Variants in EBF1 observed in about 807,000 individuals in gnomAD.
EBF1 encodes EBF transcription factor 1, also known as transcription factor COE1.
Under a neutral mutation model 68.4 loss-of-function variants are expected in EBF1, and 10 were observed. The observed-to-expected ratio is 0.15, with a 90% CI of 0.09 to 0.25. EBF1 has a LOEUF of 0.25. Ranked by LOEUF, EBF1 falls within the 10% of genes least tolerant of loss-of-function variation. The probability of loss-of-function intolerance (pLI) is 1.00; values close to 1 mark genes in which losing one functional copy is unlikely to be tolerated. For synonymous variants in EBF1, 298 were observed against 299.8 expected, an observed-to-expected ratio of 0.99 and a Z score of 0.06; for missense variants, 509 against 794.4, an observed-to-expected ratio of 0.64 and a Z score of 4.32.
chr5:158,999,758 T>C (rs1762153931), intron 6 of EBF1, among the ~76,000 whole-genome samples: 1 of 152,200 alleles, frequency 6.6e-6, no homozygotes. Flanking sequence ...AAAAACCTAC[T>C]GACATTTTAA....
At chr5:159,068,447 A>G (rs1584397606) in intron 6 of EBF1, among the ~76,000 whole-genome samples, 7 of 152,076 alleles carry the variant, frequency 4.6e-5, no homozygotes, top group Admixed American at 3.3e-4. Context: ...TAAAGTTTTT[A>G]TATTGTTTTC....
chr5:158,805,085 T>A (rs1268609125), intron 8 of EBF1, among the ~76,000 whole-genome samples: 1 of 152,042 alleles, frequency 6.6e-6, no homozygotes, highest in African/African-American at 2.4e-5. Context: ...TGTCCTGTTG[T>A]AAGAAAAGTT....
At chr5:158,720,597 T>C (rs555604569) in intron 11 of EBF1, among the ~76,000 whole-genome samples, 1 of 152,298 alleles carries the variant, frequency 6.6e-6, no homozygotes, top group African/African-American at 2.4e-5. Flanking sequence ...TTTCTTGTAA[T>C]ATAAACTTCT....
intron 6 of EBF1, among the ~76,000 whole-genome samples, chr5:158,868,163 C>A (rs1267049285): frequency 6.6e-6 from 1 of 151,806 alleles, no homozygotes; most frequent in African/African-American, 2.4e-5. Flanking sequence ...TTCATTCTGT[C>A]ATTGAATTAT....
chr5:158,891,537 C>G (rs1801183805), intron 6 of EBF1, among the ~76,000 whole-genome samples: 1 of 152,206 alleles, frequency 6.6e-6, no homozygotes, highest in African/African-American at 2.4e-5. Flanking sequence ...AGAGCCATCA[C>G]TTTCCCAGGT....
chr5:158,939,438 A>G (rs1812767261), intron 6 of EBF1, among the ~76,000 whole-genome samples: 1 of 152,216 alleles, frequency 6.6e-6, no homozygotes, highest in Non-Finnish European at 1.5e-5. Context: ...GATGATGACC[A>G]GAAAATGGGT....
chr5:159,027,596 T>A (rs975140006), intron 6 of EBF1, among the ~76,000 whole-genome samples: 1 of 152,240 alleles, frequency 6.6e-6, no homozygotes, highest in African/African-American at 2.4e-5. Flanking sequence ...ATATTCTAAT[T>A]CTGGCTGAGG....
At chr5:158,758,763 A>G (rs998008618) in intron 10 of EBF1, among the ~76,000 whole-genome samples, 1 of 152,166 alleles carries the variant, frequency 6.6e-6, no homozygotes, top group African/African-American at 2.4e-5. Flanking sequence ...TGTACTTCCC[A>G]AACATGGCGT....
At chr5:158,800,630 C>A (rs796739333) in intron 8 of EBF1, among the ~76,000 whole-genome samples, 1 of 152,154 alleles carries the variant, frequency 6.6e-6, no homozygotes, top group Non-Finnish European at 1.5e-5. Flanking sequence ...CCCTGAGCCT[C>A]CCCTTCTCTC....
chr5:158,962,702 G>T (rs1027085337), intron 6 of EBF1, among the ~76,000 whole-genome samples: 8 of 152,180 alleles, frequency 5.3e-5, no homozygotes, highest in African/African-American at 1.9e-4. Flanking sequence ...TACAGTTCAG[G>T]GTGAAGAACA....
At chr5:158,869,578 AACACACAC>A (rs3035120) in intron 6 of EBF1, among the ~76,000 whole-genome samples, 53,558 of 145,062 alleles carry the variant, frequency 0.37, 9,855 homozygotes, top group South Asian at 0.54. Flanking sequence ...GATCCTAATA[AACACACAC>A]ACACACACAC....
chr5:159,095,729 T>G (rs1381701986), intron 3 of EBF1, 54 bp from the exon 4 acceptor site: 2 of 1,580,844 alleles, frequency 1.3e-6, no homozygotes, highest in Non-Finnish European at 1.7e-6. Flanking sequence ...TTACGGAGGG[T>G]GGGTGGACAA....
At chr5:158,731,926 A>G (rs1764171073) in intron 10 of EBF1, among the ~76,000 whole-genome samples, 1 of 152,136 alleles carries the variant, frequency 6.6e-6, no homozygotes, top group African/African-American at 2.4e-5. Flanking sequence ...TTGACTACAC[A>G]CTCTTTAAAG....
intron 6 of EBF1, among the ~76,000 whole-genome samples, chr5:159,062,172 C>T (rs1241148724): frequency 6.6e-6 from 1 of 152,194 alleles, no homozygotes; most frequent in Non-Finnish European, 1.5e-5. Context: ...ATGAATGACA[C>T]CTTATCTTAA....
At chr5:158,805,983 A>G (rs1197347612) in intron 8 of EBF1, among the ~76,000 whole-genome samples, 1 of 151,972 alleles carries the variant, frequency 6.6e-6, no homozygotes, top group Non-Finnish European at 1.5e-5. Flanking sequence ...GGGCAGGGGT[A>G]TGGGTGTGGG....
At chr5:159,088,951 G>A (rs1415326127) in intron 4 of EBF1, among the ~76,000 whole-genome samples, 3 of 152,038 alleles carry the variant, frequency 2.0e-5, no homozygotes, top group East Asian at 1.9e-4. Context: ...AATCCCTTAA[G>A]GTGACAGGAA....
At chr5:158,728,002 G>T (rs1286584947) in intron 11 of EBF1, among the ~76,000 whole-genome samples, 1 of 152,136 alleles carries the variant, frequency 6.6e-6, no homozygotes, top group East Asian at 1.9e-4. Context: ...AAGGTGTGTG[G>T]TCCATAGCTC....
intron 6 of EBF1, among the ~76,000 whole-genome samples, chr5:158,841,137 G>T (rs578153320): frequency 5.7e-4 from 87 of 152,284 alleles, no homozygotes; most frequent in Admixed American, 2.2e-3. Flanking sequence ...AAAAATCCCA[G>T]TTTATACCAG....
chr5:158,937,217 G>T (rs1812205503), intron 6 of EBF1, among the ~76,000 whole-genome samples: 1 of 152,026 alleles, frequency 6.6e-6, no homozygotes, highest in Non-Finnish European at 1.5e-5. Flanking sequence ...GTTCACATCA[G>T]CTCCGTCTTT....
Sources: gnomAD v4.1 joint callset for allele counts (sites outside exome capture counted in the v4.1 genomes callset) on GRCh38, gnomAD v4.1.1 for gene constraint, MANE v1.5 for transcripts, NCBI Gene and HGNC (gene_info 2026-07-23, HGNC 2026-07-21) for gene names.